TGFB3: variants seen among roughly 807,000 people sequenced by gnomAD.
TGFB3 encodes transforming growth factor beta 3.
In TGFB3, 5 loss-of-function variants were observed where a neutral mutation model predicts 40.1. The ratio of observed to expected loss-of-function variants is 0.12; its 90% CI spans 0.07 to 0.26. The LOEUF (loss-of-function observed/expected upper bound fraction) is 0.26, where lower values mean the gene tolerates loss of function less well. Ranked by LOEUF, TGFB3 falls within the 10% of genes least tolerant of loss-of-function variation. The pLI, the probability that TGFB3 is intolerant of heterozygous loss-of-function variation, is 1.00. For synonymous variants in TGFB3, 184 were observed against 205.6 expected, an observed-to-expected ratio of 0.89 and a Z score of 0.90; for missense variants, 373 against 530.1, an observed-to-expected ratio of 0.70 and a Z score of 2.91.
chr14:75,979,382 C>T lies in TGFB3; in HGVS notation c.352+1160G>A, dbSNP rs2035394103. ...TCCATCCCATGCCCTCCACCCCACT[C>T]CAGGAGCTGCCCACCTCCCAGGTGG... On this transcript the variant is annotated intron_variant, in intron 1 of 6. Transcript: ENST00000238682. This position sits in a 1 kb window ranked among gnomAD's most constrained non-coding sequence, Gnocchi z 4.8. Among the ~76,000 whole-genome samples the T allele has an allele frequency of 6.6e-6, 1 of 152,106 alleles. No individual in the cohort carries two copies. The highest frequency in any genetic ancestry group is 2.1e-4 in the South Asian group (1 of 4,828).
chr14:75,982,663 G>A (rs1483465568), upstream of TGFB3: 1 of 150,770 alleles, frequency 6.6e-6, no homozygotes, highest in Non-Finnish European at 1.5e-5. This position sits in a 1 kb window ranked among gnomAD's most constrained non-coding sequence, Gnocchi z 4.0. Flanking sequence ...AGCCGGGGAG[G>A]CTCGGGGGCT....
At chr14:75,963,175 G>C in intron 5 of TGFB3, 141 bp downstream of exon 5, 2 of 965,978 alleles carry the variant, frequency 2.1e-6, no homozygotes, top group Admixed American at 1.9e-5. Context: ...CTCTGTGAGA[G>C]ATTTTCAGTC....
Position 75,980,987 on chromosome 14 carries a change from C to G in TGFB3, c.-94G>C. ...AGAAGGAGGGAGGAAAACCAGGCGG[C>G]CTCCCCAGATCCCAAAGACTGAGGC... On this transcript the variant is annotated 5_prime_UTR_variant, in exon 1 of 7. Transcript: ENST00000238682. The surrounding 1 kb of genome is among the most constrained non-coding windows in gnomAD (Gnocchi z 4.3). The G allele has an allele frequency of 1.7e-6, 2 of 1,159,316 alleles. No individual in the cohort carries two copies. The highest frequency in any genetic ancestry group is 2.6e-6 in the Non-Finnish European group (2 of 781,114). The allele number at this position is 1,159,316 out of a possible 1,614,324, so 71.8% of individuals were successfully genotyped here.
In TGFB3 at chr14:75,980,206, T is replaced by C. The variant is rs2035407437; in HGVS notation, c.352+336A>G. ...ATGGCACCCAGATGCTTACAGTTAC[T>C]GATACGATCGCATGTGCAAGAATAC... On this transcript the variant is annotated intron_variant, in intron 1 of 6. Transcript: ENST00000238682. The surrounding 1 kb of genome is among the most constrained non-coding windows in gnomAD (Gnocchi z 4.3). Among the ~76,000 whole-genome samples, 1 of 152,352 alleles carries C rather than the reference T, an allele frequency of 6.6e-6. No individual in the cohort carries two copies. The highest frequency in any genetic ancestry group is 2.4e-5 in the African/African-American group (1 of 41,590).
chr14:75,958,939 A>G lies in TGFB3; in HGVS notation c.*248T>C, dbSNP rs995170992. The G allele has an allele frequency of 7.8e-6, 4 of 514,976 alleles. No individual in the cohort carries two copies. Among genetic ancestry groups the G allele is most frequent in the Non-Finnish European group, 1.4e-5 (4 of 280,492 alleles). The allele number at this position is 514,976 out of a possible 1,614,324, so 31.9% of individuals were successfully genotyped here. ...CCCATCCCCTCTGTCTGCGTCACAG[A>G]AAGTCTGTGTGTTCTGAAGAGTTCA... is the stretch of plus-strand genomic sequence containing the variant. On this transcript the variant is annotated 3_prime_UTR_variant, in exon 7 of 7. Transcript: ENST00000238682.
chr14:75,974,295 A>C (rs1164814786), intron 1 of TGFB3, among the ~76,000 whole-genome samples: 1 of 152,110 alleles, frequency 6.6e-6, no homozygotes, highest in African/African-American at 2.4e-5. Context: ...CCAGCCTATC[A>C]ATCATAATCT....
In TGFB3 at chr14:75,971,102, T is replaced by C; in HGVS notation, c.646+24A>G. On this transcript the variant is annotated intron_variant, in intron 3 of 6. Coordinates refer to ENST00000238682, the MANE Select transcript of TGFB3 (RefSeq NM_003239.5). This position sits in a 1 kb window ranked among gnomAD's most constrained non-coding sequence, Gnocchi z 4.5. ...AAGGGACCTGAGGTTCATTCTGAAA[T>C]GCTTATCTGAAGGGTCCACCTACCT... 6.2e-7 allele frequency: 1 copy of C among 1,613,212 alleles called. No individual in the cohort carries two copies. Among genetic ancestry groups the C allele is most frequent in the East Asian group, 2.2e-5 (1 of 44,866 alleles).
intron 3 of TGFB3, among the ~76,000 whole-genome samples, chr14:75,968,625 C>G (rs3917185): frequency 0.033 from 5,049 of 152,216 alleles, 220 homozygotes; most frequent in African/African-American, 0.096. Flanking sequence ...TTTCTGTAGC[C>G]GTCTGAGTCA....
intron 6 of TGFB3, 41 bp from the exon 7 acceptor site, chr14:75,959,386 C>T: frequency 6.2e-7 from 1 of 1,612,546 alleles, no homozygotes. Flanking sequence ...AAGGCCAAGT[C>T]TCAGGCCTGG....
chr14:75,964,023 C>CA (rs1566679857), intron 4 of TGFB3, among the ~76,000 whole-genome samples: 8 of 152,102 alleles, frequency 5.3e-5, no homozygotes, highest in Admixed American at 1.3e-4. Flanking sequence ...ATTACAGGTG[C>CA]ATGCCACCAT....
intron 1 of TGFB3, among the ~76,000 whole-genome samples, chr14:75,975,832 AC>A (rs2035347681): frequency 6.6e-6 from 1 of 152,172 alleles, no homozygotes; most frequent in Non-Finnish European, 1.5e-5. Context: ...TAGAGTGTCA[AC>A]CTATGCCTCA....
rs2035294180 is a variant in TGFB3, at chr14:75,971,625, G to T, written c.446C>A (p.Ala149Glu). 1 of 1,614,216 alleles carries T rather than the reference G, an allele frequency of 6.2e-7. No homozygotes were observed. The highest frequency in any genetic ancestry group is 8.5e-7 in the Non-Finnish European group (1 of 1,180,044). Residue 149 changes from alanine (A) to glutamate (E), a missense_variant, in exon 2 of 7, where the codon GCA (alanine) becomes GAA (glutamate). By Grantham distance (107) the Ala-to-Glu change is moderately radical. Transcript: ENST00000238682. The surrounding 1 kb of genome is among the most constrained non-coding windows in gnomAD (Gnocchi z 4.5). ...VEKNRTNLFR[A>E]EFRVLRVPNP... Reference sequence around the variant, plus strand: ...GGGCACCCGCAAGACCCGGAATTCTGCTCGGAATAGGTTGGTTCTATTTTT... The same window carrying T: ...GGGCACCCGCAAGACCCGGAATTCTTCTCGGAATAGGTTGGTTCTATTTTT...
rs2140253008 is a variant in TGFB3 at position 75,979,656 on chromosome 14, T to A, written c.352+886A>T. Among the ~76,000 whole-genome samples, 1 of 151,756 alleles carries A rather than the reference T, an allele frequency of 6.6e-6. No homozygotes were observed. The highest frequency in any genetic ancestry group is 2.4e-5 in the African/African-American group (1 of 41,358). ...GCCCAGAAGCCGCCCGGCTCCTCCA[T>A]GCAGACAGAGCCTCCTGGGACGGCA... is the stretch of plus-strand genomic sequence containing the variant. On this transcript the variant is annotated intron_variant, in intron 1 of 6. Coordinates refer to ENST00000238682, the MANE Select transcript of TGFB3 (RefSeq NM_003239.5). The surrounding 1 kb of genome is among the most constrained non-coding windows in gnomAD (Gnocchi z 4.8).
In TGFB3 at chr14:75,980,419, C is replaced by T; in HGVS notation, c.352+123G>A. 9.8e-7 allele frequency: 1 copy of T among 1,023,742 alleles called. No homozygotes were observed. The highest frequency in any genetic ancestry group is 1.5e-6 in the Non-Finnish European group (1 of 655,540). The allele number at this position is 1,023,742 out of a possible 1,614,324, so 63.4% of individuals were successfully genotyped here. On this transcript the variant is annotated intron_variant, in intron 1 of 6. Transcript: ENST00000238682. The surrounding 1 kb of genome is among the most constrained non-coding windows in gnomAD (Gnocchi z 4.3). ...ACGGAGGAGCATCGCACATCCTGAGCCTTGGTGCTGGTGAATCCTGGGGCA... is the reference window on the plus strand; with the variant it reads ...ACGGAGGAGCATCGCACATCCTGAGTCTTGGTGCTGGTGAATCCTGGGGCA...
At chr14:75,967,485 G>A (rs2035233779) in intron 3 of TGFB3, among the ~76,000 whole-genome samples, 1 of 152,186 alleles carries the variant, frequency 6.6e-6, no homozygotes, top group South Asian at 2.1e-4. Context: ...ACAACACAGT[G>A]TACCTCCTGG....
rs2035427426 is a variant in TGFB3 at position 75,981,189 on chromosome 14, G to A, written c.-296C>T. On this transcript the variant is annotated 5_prime_UTR_variant, in exon 1 of 7. Coordinates refer to ENST00000238682, the MANE Select transcript of TGFB3 (RefSeq NM_003239.5). The surrounding 1 kb of genome is among the most constrained non-coding windows in gnomAD (Gnocchi z 4.7). ...TCCCAGCAGGCCAGGTGGAGGGCAA[G>A]CAGAGGGCTGGGAGGGGTGGCAAGG... 1 of 454,150 alleles carries A rather than the reference G, an allele frequency of 2.2e-6. No homozygotes were observed. The allele number at this position is 454,150 out of a possible 1,614,324, so 28.1% of individuals were successfully genotyped here.
At chr14:75,959,485 G>A (rs1014522870) in intron 6 of TGFB3, 140 bp from the exon 7 acceptor site, 8 of 988,394 alleles carry the variant, frequency 8.1e-6, no homozygotes, top group Admixed American at 4.0e-5. Context: ...AGGAACTGTT[G>A]GGGGCCGGGT....
intron 6 of TGFB3, 55 bp from the exon 7 acceptor site, chr14:75,959,400 C>G (rs967413744): frequency 5.6e-6 from 9 of 1,609,316 alleles, no homozygotes; most frequent in African/African-American, 1.3e-5. Flanking sequence ...GGCCTGGAAC[C>G]CAGGAAGTCG....
intron 1 of TGFB3, among the ~76,000 whole-genome samples, chr14:75,972,839 A>G (rs1161794424): frequency 6.6e-6 from 1 of 152,242 alleles, no homozygotes; most frequent in Non-Finnish European, 1.5e-5. Context: ...CCAATAAAGC[A>G]GGGCTTATAT....
Sources: gnomAD v4.1 joint callset for allele counts (sites outside exome capture counted in the v4.1 genomes callset) on GRCh38, gnomAD v4.1.1 for gene constraint, Gnocchi (gnomAD v3.1) non-coding constraint, MANE v1.5 for transcripts, NCBI Gene and HGNC (gene_info 2026-07-23, HGNC 2026-07-21) for gene names.